LDB3: variants seen among roughly 807,000 people sequenced by gnomAD.
LDB3 encodes the protein LIM domain binding 3.
In LDB3, 49 loss-of-function variants were observed where a neutral mutation model predicts 69.0. The ratio of observed to expected loss-of-function variants is 0.71; its 90% confidence interval spans 0.56 to 0.90. The LOEUF is 0.90. LDB3 is among the 40% of genes least tolerant of loss of function. LDB3 has a pLI of 0.00. For missense variants in LDB3, 928 were observed against 974.1 expected, an observed-to-expected ratio of 0.95 and a Z score of 0.63; for synonymous variants, 387 against 396.2, an observed-to-expected ratio of 0.98 and a Z score of 0.28.
chr10:86,711,348 C>A (rs910376502), intron 9 of LDB3, among the ~76,000 whole-genome samples: 3 of 151,952 alleles, frequency 2.0e-5, no homozygotes, highest in Non-Finnish European at 4.4e-5. Flanking sequence ...CCCAGGCGAG[C>A]GAGACGGGCC....
chr10:86,706,030 G>A (rs182155416), intron 7 of LDB3, among the ~76,000 whole-genome samples: 4 of 152,196 alleles, frequency 2.6e-5, no homozygotes, highest in Middle Eastern at 3.4e-3. Context: ...GAGTCCTTCC[G>A]AGCCCAAAGC....
intron 5 of LDB3, among the ~76,000 whole-genome samples, chr10:86,691,082 G>T (rs1845736690): frequency 6.6e-6 from 1 of 152,200 alleles, no homozygotes; most frequent in Non-Finnish European, 1.5e-5. Flanking sequence ...GGCCTGCACT[G>T]CAGTCTGATT....
rs369454227 is a variant in LDB3 at position 86,718,716 on chromosome 10, C to G, written c.1858-11C>G. ...CTCCTTTCTGTCCTGAGCTTAGGCT[C>G]TTTCCCCCAGGAAGTAATGCATGCC... On this transcript the variant is annotated splice_polypyrimidine_tract_variant and intron_variant, in intron 11 of 13. Coordinates refer to ENST00000361373, the MANE Select transcript of LDB3 (RefSeq NM_007078.3). 6.2e-7 allele frequency: 1 copy of G among 1,614,168 alleles called. No homozygotes were observed.
intron 5 of LDB3, among the ~76,000 whole-genome samples, chr10:86,690,420 C>A (rs541628620): frequency 6.6e-6 from 1 of 152,256 alleles, no homozygotes; most frequent in Admixed American, 6.5e-5. Flanking sequence ...CCTCCCTGGC[C>A]GGACCCTAGA....
At position 86,716,488 on chromosome 10, in the gene LDB3, C is replaced by T; in HGVS notation, c.1393C>T (p.Pro465Ser). ...PSPAPAYTPS[P>S]APNYNPAPSV... ...CCCAGCACCAGCCTATACCCCCTCA[C>T]CTGCCCCCAACTATAACCCTGCACC... is the stretch of plus-strand genomic sequence containing the variant. Residue 465 changes from proline (P) to serine (S), a missense_variant, in exon 10 of 14, where the codon CCT becomes TCT. Pro to Ser is a moderately conservative substitution (Grantham distance 74). Transcript: ENST00000361373. 1 of 1,611,670 alleles carries T rather than the reference C, an allele frequency of 6.2e-7. No individual in the cohort carries two copies. The highest frequency in any genetic ancestry group is 1.7e-4 in the Middle Eastern group (1 of 6,058).
At chr10:86,718,906 A>G (rs200094809) in intron 12 of LDB3, 59 bp downstream of exon 12, 2 of 1,606,620 alleles carry the variant, frequency 1.2e-6, no homozygotes, top group Non-Finnish European at 1.7e-6. Flanking sequence ...AGGGGCAGGC[A>G]CAGGGAACTA....
At position 86,733,000 on chromosome 10, in the gene LDB3, C is replaced by T. The variant is rs200688014; in HGVS notation, c.*24C>T. 307 of 1,562,884 alleles carry T rather than the reference C, an allele frequency of 2.0e-4. No individual in the cohort carries two copies. The highest frequency in any genetic ancestry group is 2.3e-4 in the Non-Finnish European group (263 of 1,137,022). On this transcript the variant is annotated 3_prime_UTR_variant, in exon 14 of 14. Coordinates refer to ENST00000361373, the MANE Select transcript of LDB3 (RefSeq NM_007078.3). ...AGGCGGCCAAGGCCGCCTGTGCTGA[C>T]GAGGCCCGGAGCTGCTCCTGCTGCT...
In LDB3 at chr10:86,685,720, ATG is replaced by A. The variant is rs747852785; in HGVS notation, c.689+3924_689+3925del. On this transcript the variant is annotated intron_variant, in intron 5 of 13. Coordinates refer to ENST00000361373, the MANE Select transcript of LDB3 (RefSeq NM_007078.3). ...AGCCAAGTTAGTATCAAAGGACAGC[ATG>A]TGTGTGCGCTTGCGTGCCAGCCCCA... 17 of 1,613,902 alleles carry A rather than the reference ATG, an allele frequency of 1.1e-5. No individual in the cohort carries two copies. The Admixed American group carries it at 2.7e-4, about 25-fold the overall frequency.
At chr10:86,702,232 C>T (rs1210189433) in intron 7 of LDB3, among the ~76,000 whole-genome samples, 1 of 152,194 alleles carries the variant, frequency 6.6e-6, no homozygotes. Context: ...GGCAACCACC[C>T]CTTCAGCACT....
At chr10:86,723,402 A>G (rs1847153279) in intron 12 of LDB3, among the ~76,000 whole-genome samples, 1 of 152,112 alleles carries the variant, frequency 6.6e-6, no homozygotes, top group Non-Finnish European at 1.5e-5. Flanking sequence ...TATGTAGGGC[A>G]TGAAGACTTC....
chr10:86,726,945 A>G (rs1405870719), intron 13 of LDB3, among the ~76,000 whole-genome samples: 1 of 151,734 alleles, frequency 6.6e-6, no homozygotes, highest in Non-Finnish European at 1.5e-5. Context: ...ACTCTGAAGG[A>G]GAGGTAGGAA....
intron 6 of LDB3, among the ~76,000 whole-genome samples, chr10:86,692,302 G>GC (rs1302805717): frequency 6.6e-6 from 1 of 152,236 alleles, no homozygotes. Context: ...GGCTTGGTGT[G>GC]CAACTTCCGG....
In LDB3 at chr10:86,672,209, C is replaced by G. The variant is rs141859507; in HGVS notation, c.93+3425C>G. Reference sequence around the variant, plus strand: ...GTGAAAACTTTCCACCTGTTGTCTACTGGGACTGGTTGTGAGACTGGTGGA... The same window carrying G: ...GTGAAAACTTTCCACCTGTTGTCTAGTGGGACTGGTTGTGAGACTGGTGGA... On this transcript the variant is annotated intron_variant, in intron 2 of 13. Transcript: ENST00000361373. Among the ~76,000 whole-genome samples, 10 of 152,344 alleles carry G rather than the reference C, an allele frequency of 6.6e-5. No individual in the cohort carries two copies. In the East Asian group the frequency reaches 1.7e-3, roughly 26 times the overall value.
At chr10:86,723,303 T>C (rs1416501311) in intron 12 of LDB3, among the ~76,000 whole-genome samples, 2 of 135,416 alleles carry the variant, frequency 1.5e-5, no homozygotes, top group Non-Finnish European at 3.1e-5. Flanking sequence ...AAGGAGATGA[T>C]GGATGAATGG....
chr10:86,716,668 G>T lies in LDB3; in HGVS notation c.1573G>T (p.Gly525Cys), dbSNP rs794729063. The T allele has an allele frequency of 1.9e-6, 3 of 1,613,948 alleles. No homozygotes were observed. The highest frequency in any genetic ancestry group is 1.7e-5 in the Admixed American group (1 of 60,012). ...PRGGPAYTPA[G>C]PQVPPLARGT... ...GGGAGGCCCAGCCTACACCCCAGCG[G>T]GTCCTCAGGTGCCACCACTTGCCAG... The change falls in exon 10 of 14, where the codon GGT becomes TGT. Residue 525 changes from glycine (G) to cysteine (C), a missense_variant. Physicochemically the swap from Gly to Cys is radical, Grantham distance 159. Transcript: ENST00000361373.
intron 9 of LDB3, among the ~76,000 whole-genome samples, chr10:86,712,633 G>A (rs927778859): frequency 6.6e-6 from 1 of 152,192 alleles, no homozygotes; most frequent in Non-Finnish European, 1.5e-5. Flanking sequence ...GGCACGTAAA[G>A]GGCCTGGCAT....
chr10:86,707,784 TGCCAA>T (rs1846500229), intron 8 of LDB3, among the ~76,000 whole-genome samples: 1 of 152,154 alleles, frequency 6.6e-6, no homozygotes, highest in East Asian at 1.9e-4. Context: ...AACCACATGG[TGCCAA>T]GCCCAACCTT....
chr10:86,691,887 GCATTA>G lies in LDB3; in HGVS notation c.690-6_690-2del. 5.0e-6 allele frequency: 8 copies of G among 1,614,090 alleles called. No homozygotes were observed. Among genetic ancestry groups the G allele is most frequent in the Non-Finnish European group, 6.8e-6 (8 of 1,180,034 alleles). ...TAGCCCTCGCCCACGGCCTCTCTCT[GCATTA>G]CAGGAGCCTCCCTATTAAGGACCTT... On this transcript the variant is annotated splice_polypyrimidine_tract_variant and splice_region_variant and intron_variant, in intron 5 of 13. Transcript: ENST00000361373.
chr10:86,692,640 T>C, intron 7 of LDB3, 69 bp downstream of exon 7: 1 of 1,380,646 alleles, frequency 7.2e-7, no homozygotes, highest in Non-Finnish European at 1.0e-6. Flanking sequence ...AGCCCCCAGG[T>C]CACATCACTC....
Sources: gnomAD v4.1 joint callset for allele counts (sites outside exome capture counted in the v4.1 genomes callset) on GRCh38, gnomAD v4.1.1 for gene constraint, MANE v1.5 for transcripts, NCBI Gene and HGNC (gene_info 2026-07-23, HGNC 2026-07-21) for gene names.